TECPR2: variants seen among roughly 807,000 people sequenced by gnomAD.
TECPR2 encodes tectonin beta-propeller repeat-containing protein 2.
TECPR2 carries 65 observed loss-of-function variants against 138.1 expected under a neutral mutation model. The observed-to-expected ratio is 0.47, with a 90% CI of 0.39 to 0.58. TECPR2 has a LOEUF of 0.58. Ranked by LOEUF, TECPR2 falls within the 20% of genes least tolerant of loss-of-function variation. The pLI is 0.00. For missense variants in TECPR2, 1,553 were observed against 1,824.5 expected, an observed-to-expected ratio of 0.85 and a Z score of 2.71; for synonymous variants, 746 against 749.8, an observed-to-expected ratio of 0.99 and a Z score of 0.08.
At chr14:102,381,691 C>T (rs972224443) in intron 2 of TECPR2, among the ~76,000 whole-genome samples, 10 of 152,302 alleles carry the variant, frequency 6.6e-5, no homozygotes, top group South Asian at 2.1e-4. Flanking sequence ...TAAGAGGGTT[C>T]GTTGCCAACC....
intron 2 of TECPR2, among the ~76,000 whole-genome samples, chr14:102,380,167 T>G (rs1414533503): frequency 6.7e-6 from 1 of 150,354 alleles, no homozygotes; most frequent in East Asian, 2.0e-4. Flanking sequence ...GATCACAGTC[T>G]TAAAATCCAT....
intron 16 of TECPR2, among the ~76,000 whole-genome samples, chr14:102,460,957 A>G (rs1246313167): frequency 6.6e-6 from 1 of 151,842 alleles, no homozygotes; most frequent in Non-Finnish European, 1.5e-5. Flanking sequence ...AGCCTCCCAA[A>G]GTGCTGGGAT....
At position 102,392,922 on chromosome 14, in the gene TECPR2, C is replaced by CT. The variant is rs138778551; in HGVS notation, c.220-14410dup. On this transcript the variant is annotated intron_variant, in intron 2 of 19. Transcript: ENST00000359520. ...TGATGACACATTCTTCGGAAAGATT[C>CT]TTTTTTATTCGTTCCAATCAATGCT... is the stretch of plus-strand genomic sequence containing the variant. Among the ~76,000 whole-genome samples, 424 of 152,298 alleles carry CT rather than the reference C, an allele frequency of 2.8e-3. 3 individuals carry two copies. Among genetic ancestry groups the CT allele is most frequent in the African/African-American group, 9.8e-3 (406 of 41,568 alleles).
intron 2 of TECPR2, among the ~76,000 whole-genome samples, chr14:102,391,171 C>T (rs2139674945): frequency 6.6e-6 from 1 of 152,258 alleles, no homozygotes; most frequent in Non-Finnish European, 1.5e-5. Flanking sequence ...GATTCTCTTG[C>T]CTCAGCCTCC....
intron 1 of TECPR2, among the ~76,000 whole-genome samples, chr14:102,375,184 A>G (rs1887613160): frequency 6.6e-6 from 1 of 152,012 alleles, no homozygotes; most frequent in Non-Finnish European, 1.5e-5. Flanking sequence ...ATCTCTACAA[A>G]ATAATTTAAA....
intron 16 of TECPR2, among the ~76,000 whole-genome samples, chr14:102,453,622 T>A (rs1890206897): frequency 6.6e-6 from 1 of 151,316 alleles, no homozygotes; most frequent in African/African-American, 2.4e-5. Flanking sequence ...GCAGCATAGG[T>A]GTGGTTTGCC....
rs532022107 is a variant in TECPR2 at position 102,418,496 on chromosome 14, A to G, written c.638+3703A>G. On this transcript the variant is annotated intron_variant, in intron 5 of 19. Transcript: ENST00000359520. ...GAAACAAAGAGGCAACTAGTGCGAG[A>G]AGACCTTAGAGAGAGGCTCTGGAGG... Among the ~76,000 whole-genome samples, 3 of 152,320 alleles carry G rather than the reference A, an allele frequency of 2.0e-5. No individual in the cohort carries two copies. In the South Asian group the frequency reaches 6.2e-4, roughly 32 times the overall value.
chr14:102,475,095 T>G (rs996307220), intron 17 of TECPR2, among the ~76,000 whole-genome samples: 5 of 152,186 alleles, frequency 3.3e-5, no homozygotes, highest in African/African-American at 4.8e-5. Context: ...CTGGCGCCTG[T>G]GCTTCCAGAG....
chr14:102,416,924 C>A (rs1889039922), intron 5 of TECPR2, among the ~76,000 whole-genome samples: 1 of 152,156 alleles, frequency 6.6e-6, no homozygotes, highest in South Asian at 2.1e-4. Flanking sequence ...ACAAAGGTTG[C>A]AGTGAGCTGA....
chr14:102,498,994 TGCACC>T lies in TECPR2; in HGVS notation c.*754_*758del, dbSNP rs563322831. ...CAACACACCACACCCCACACCGCAC[TGCACC>T]GCACCGCACCGCACCGTACCTCGCC... is the stretch of plus-strand genomic sequence containing the variant. On this transcript the variant is annotated 3_prime_UTR_variant, in exon 20 of 20. Coordinates refer to ENST00000359520, the MANE Select transcript of TECPR2 (RefSeq NM_014844.5). 438 of 692,914 alleles carry T rather than the reference TGCACC, an allele frequency of 6.3e-4. No homozygotes were observed. Among genetic ancestry groups the T allele is most frequent in the East Asian group, 2.3e-3 (85 of 36,740 alleles). 42.9% of individuals were successfully genotyped at this position (692,914 alleles called of 1,614,324 possible).
intron 7 of TECPR2, among the ~76,000 whole-genome samples, 158 bp downstream of exon 7, chr14:102,428,540 C>T (rs528116098): frequency 1.1e-4 from 17 of 152,124 alleles, no homozygotes; most frequent in African/African-American, 3.1e-4. Context: ...GTGGGTGGAT[C>T]GCTTAAGCTC....
intron 3 of TECPR2, among the ~76,000 whole-genome samples, chr14:102,408,248 C>G (rs1327234852): frequency 6.6e-6 from 1 of 151,750 alleles, no homozygotes; most frequent in Non-Finnish European, 1.5e-5. Context: ...GGGTTGGACA[C>G]TTGGCATAAA....
In TECPR2 at chr14:102,424,958, C is replaced by T. The variant is rs1311074939; in HGVS notation, c.639-21C>T. The T allele has an allele frequency of 6.2e-5, 98 of 1,583,088 alleles. No homozygotes were observed. In the Admixed American group the frequency reaches 7.0e-4, roughly 11 times the overall value. Reference sequence around the variant, plus strand: ...AGTCCATGTCTGTTTTTTGTTCTTTCTTTCTTTCTTCTAATTTTAGTACTG... The same window carrying T: ...AGTCCATGTCTGTTTTTTGTTCTTTTTTTCTTTCTTCTAATTTTAGTACTG... On this transcript the variant is annotated intron_variant, in intron 5 of 19. Transcript: ENST00000359520.
chr14:102,412,581 T>TA (rs1373318072), intron 4 of TECPR2, among the ~76,000 whole-genome samples: 2 of 151,954 alleles, frequency 1.3e-5, no homozygotes, highest in African/African-American at 4.8e-5. Flanking sequence ...GAGCAACAAA[T>TA]ACCATTACTT....
intron 17 of TECPR2, among the ~76,000 whole-genome samples, chr14:102,496,322 A>C (rs543189533): frequency 2.6e-5 from 4 of 152,102 alleles, no homozygotes; most frequent in Non-Finnish European, 5.9e-5. Flanking sequence ...GCCTGGTCCA[A>C]CTGAGGGGTG....
At chr14:102,421,633 C>T (rs768399874) in intron 5 of TECPR2, among the ~76,000 whole-genome samples, 5 of 152,150 alleles carry the variant, frequency 3.3e-5, no homozygotes, top group African/African-American at 7.2e-5. Context: ...AGCAGTGGCA[C>T]GGAGGCAGCT....
intron 14 of TECPR2, 130 bp from the exon 15 acceptor site, chr14:102,450,430 T>G: frequency 1.2e-6 from 1 of 835,652 alleles, no homozygotes. Context: ...TCATGTCGCT[T>G]TATTTAGGGA....
intron 17 of TECPR2, among the ~76,000 whole-genome samples, chr14:102,467,319 A>ATTTTTT (rs35221234): frequency 8.7e-6 from 1 of 114,422 alleles, no homozygotes; most frequent in Non-Finnish European, 1.7e-5. Flanking sequence ...ATCCTCACCA[A>ATTTTTT]TTTTTTTTTT....
intron 16 of TECPR2, among the ~76,000 whole-genome samples, chr14:102,454,996 G>C (rs988434892): frequency 2.6e-5 from 4 of 152,196 alleles, no homozygotes; most frequent in Non-Finnish European, 5.9e-5. Flanking sequence ...TCCCAGCACC[G>C]GCTAGCTGGC....
Sources: allele counts gnomAD v4.1 joint callset (sites outside exome capture counted in the v4.1 genomes callset), GRCh38; gene constraint gnomAD v4.1.1; transcripts MANE v1.5; gene names NCBI Gene and HGNC (gene_info 2026-07-23, HGNC 2026-07-21).